The following DLG2 variants were observed in gnomAD, a reference collection of about 807,000 sequenced individuals.
DLG2 encodes the protein disks large homolog 2.
DLG2 carries 45 observed loss-of-function variants against 132.5 expected under a neutral mutation model. The observed-to-expected ratio is 0.34, with a 90% CI of 0.27 to 0.44. The LOEUF is 0.44. DLG2 is among the 20% of genes least tolerant of loss of function. The probability of loss-of-function intolerance (pLI) is 1.00; values close to 1 mark genes in which losing one functional copy is unlikely to be tolerated. For synonymous variants in DLG2, 424 were observed against 419.6 expected, an observed-to-expected ratio of 1.01 and a Z score of -0.13; for missense variants, 1,045 against 1,196.9, an observed-to-expected ratio of 0.87 and a Z score of 1.87.
chr11:84,380,190 G>A (rs1486067622), intron 7 of DLG2, among the ~76,000 whole-genome samples: 1 of 152,012 alleles, frequency 6.6e-6, no homozygotes, highest in Non-Finnish European at 1.5e-5. Context: ...AAACCTGTAA[G>A]TAATAAAAGA....
chr11:83,687,404 T>C (rs2079999716), intron 18 of DLG2, among the ~76,000 whole-genome samples: 1 of 152,160 alleles, frequency 6.6e-6, no homozygotes, highest in African/African-American at 2.4e-5. Flanking sequence ...TCAAAGTCTA[T>C]GCACAGTGGC....
Position 84,467,790 on chromosome 11 carries a change from T to C in DLG2, c.519+66780A>G, listed in dbSNP as rs577922604. Among the ~76,000 whole-genome samples, 23 of 151,654 alleles carry C rather than the reference T, an allele frequency of 1.5e-4. No homozygotes were observed. The South Asian group carries it at 4.3e-3, about 29-fold the overall frequency. On this transcript the variant is annotated intron_variant, in intron 7 of 27. Transcript: ENST00000376104. The stretch of plus-strand genomic sequence containing the variant: ...GTGTGGTAACACCATTATAGTTTTA[T>C]AGAAGATGAGTATTAAAATTACTAT...
intron 16 of DLG2, among the ~76,000 whole-genome samples, chr11:83,868,282 C>A (rs1187378618): frequency 1.3e-5 from 2 of 152,148 alleles, no homozygotes. Context: ...GGACTCTCAA[C>A]CAAAGCTTTC....
intron 16 of DLG2, among the ~76,000 whole-genome samples, chr11:83,846,092 C>T (rs189986804): frequency 7.6e-4 from 115 of 152,198 alleles, no homozygotes; most frequent in Non-Finnish European, 1.3e-3. Flanking sequence ...TGTTAAAGAA[C>T]AAATATTAAG....
intron 7 of DLG2, among the ~76,000 whole-genome samples, chr11:84,502,447 G>A (rs903399661): frequency 7.0e-6 from 1 of 143,366 alleles, no homozygotes; most frequent in Non-Finnish European, 1.5e-5. Flanking sequence ...CCCAGGCTAA[G>A]TGCAGTGTCT....
intron 7 of DLG2, among the ~76,000 whole-genome samples, chr11:84,393,999 C>T (rs1264808640): frequency 6.6e-6 from 1 of 152,108 alleles, no homozygotes; most frequent in East Asian, 1.9e-4. Context: ...AATTCTCCTG[C>T]CTCAGCCTCC....
chr11:84,377,914 C>A lies in DLG2; in HGVS notation c.520-126623G>T, dbSNP rs189700321. ...TCACCTAAACAGTTAATCTAAATGA[C>A]CTTATAGGAACAAGAGACTTAGCCT... is the stretch of plus-strand genomic sequence containing the variant. On this transcript the variant is annotated intron_variant, in intron 7 of 27. Transcript: ENST00000376104. Among the ~76,000 whole-genome samples the A allele has an allele frequency of 4.0e-4, 61 of 152,248 alleles. 2 individuals carry two copies. The South Asian group carries it at 0.012, about 29-fold the overall frequency.
chr11:84,749,868 A>C (rs939892665), intron 6 of DLG2, among the ~76,000 whole-genome samples: 15 of 152,158 alleles, frequency 9.9e-5, no homozygotes, highest in Admixed American at 3.3e-4. Flanking sequence ...AGTTGAATCA[A>C]TGTAAAGCAG....
chr11:83,593,693 A>G (rs1331327926), intron 19 of DLG2, among the ~76,000 whole-genome samples: 3 of 151,782 alleles, frequency 2.0e-5, no homozygotes, highest in African/African-American at 7.2e-5. Context: ...GAATTTATAT[A>G]GAGAGATCAT....
At chr11:83,469,449 A>G in intron 24 of DLG2, 76 bp from the exon 25 acceptor site, 1 of 1,039,262 alleles carries the variant, frequency 9.6e-7, no homozygotes, top group Non-Finnish European at 1.4e-6. Context: ...ATTCTCCACC[A>G]CATCCTCAAC....
At chr11:85,510,815 G>A (rs1351155230) in intron 3 of DLG2, among the ~76,000 whole-genome samples, 17 of 152,082 alleles carry the variant, frequency 1.1e-4, no homozygotes, top group Non-Finnish European at 2.1e-4. Flanking sequence ...TCAGTGTGGC[G>A]ATTCCTCAGG....
At chr11:84,919,604 A>G (rs539507677) in intron 6 of DLG2, among the ~76,000 whole-genome samples, 5 of 152,244 alleles carry the variant, frequency 3.3e-5, no homozygotes, top group Middle Eastern at 6.8e-3. Context: ...TACCTGTGCT[A>G]TAGGTCTAAT....
At chr11:84,629,404 G>T (rs555934662) in intron 6 of DLG2, among the ~76,000 whole-genome samples, 1 of 152,162 alleles carries the variant, frequency 6.6e-6, no homozygotes, top group East Asian at 1.9e-4. Flanking sequence ...GAGTAGCTGT[G>T]GAAATGCTGG....
At chr11:84,560,949 T>A (rs960295585) in intron 6 of DLG2, among the ~76,000 whole-genome samples, 1 of 152,130 alleles carries the variant, frequency 6.6e-6, no homozygotes, top group Non-Finnish European at 1.5e-5. Context: ...GGCACTTTGG[T>A]AGATACTAGG....
At chr11:83,816,626 G>A (rs1273101248) in intron 17 of DLG2, among the ~76,000 whole-genome samples, 2 of 152,016 alleles carry the variant, frequency 1.3e-5, no homozygotes, top group African/African-American at 4.8e-5. Flanking sequence ...ACACTAGAAA[G>A]GTAATTATAA....
intron 14 of DLG2, among the ~76,000 whole-genome samples, chr11:83,941,271 T>G (rs1393859080): frequency 7.1e-6 from 1 of 141,568 alleles, no homozygotes; most frequent in Non-Finnish European, 1.6e-5. Flanking sequence ...CAAGTTCCCA[T>G]GCATTGCTAG....
chr11:84,681,827 G>GA (rs1226271556), intron 6 of DLG2, among the ~76,000 whole-genome samples: 3,822 of 140,432 alleles, frequency 0.027, 106 homozygotes, highest in African/African-American at 0.068. Context: ...GAACCTTATT[G>GA]AAAAAAAAAA....
chr11:85,027,937 T>C (rs1176474468), intron 6 of DLG2, among the ~76,000 whole-genome samples: 4 of 152,202 alleles, frequency 2.6e-5, no homozygotes, highest in Non-Finnish European at 4.4e-5. Context: ...TGCAGCTCTT[T>C]CAGTCCCACC....
At chr11:83,605,691 C>T (rs1346019222) in intron 19 of DLG2, among the ~76,000 whole-genome samples, 1 of 152,200 alleles carries the variant, frequency 6.6e-6, no homozygotes, top group African/African-American at 2.4e-5. Flanking sequence ...CTGCTTCCTG[C>T]AGTTCTTACT....
Sources: allele counts gnomAD v4.1 joint callset (sites outside exome capture counted in the v4.1 genomes callset), GRCh38; gene constraint gnomAD v4.1.1; transcripts MANE v1.5; gene names NCBI Gene and HGNC (gene_info 2026-07-23, HGNC 2026-07-21).